Variants in CFAP299 observed in about 807,000 individuals in gnomAD.
CFAP299 encodes the protein cilia- and flagella-associated protein 299.
In CFAP299, 21 loss-of-function variants were observed where a neutral mutation model predicts 27.0. That is an observed-to-expected ratio of 0.78 (90% confidence interval 0.55 to 1.12). CFAP299 has a LOEUF of 1.12. CFAP299 is among the 50% of genes most tolerant of loss of function. CFAP299 has a pLI of 0.00. For synonymous variants in CFAP299, 104 were observed against 98.1 expected (o/e 1.06, Z -0.36); for missense variants, 310 against 276.6 (o/e 1.12, Z -0.86).
intron 3 of CFAP299, among the ~76,000 whole-genome samples, chr4:80,706,933 C>T (rs1336352070): frequency 4.0e-5 from 6 of 151,684 alleles, no homozygotes; most frequent in Admixed American, 3.3e-4. Flanking sequence ...TTATAAGTAC[C>T]GCCCCTCTCC....
At chr4:80,921,257 A>C (rs1020373053) in intron 4 of CFAP299, among the ~76,000 whole-genome samples, 19 of 152,274 alleles carry the variant, frequency 1.2e-4, no homozygotes, top group African/African-American at 4.1e-4. Context: ...CAAGGAACTC[A>C]TTGTTTTGGA....
intron 2 of CFAP299, among the ~76,000 whole-genome samples, chr4:80,567,375 T>C (rs1485085369): frequency 6.6e-6 from 1 of 152,082 alleles, no homozygotes; most frequent in Non-Finnish European, 1.5e-5. Flanking sequence ...CTGAAAGTTA[T>C]TAAAATATAA....
At chr4:80,628,009 A>G (rs1014664018) in intron 3 of CFAP299, among the ~76,000 whole-genome samples, 1 of 152,142 alleles carries the variant, frequency 6.6e-6, no homozygotes, top group Non-Finnish European at 1.5e-5. Flanking sequence ...GGAATAACAA[A>G]AAATTCCTGA....
chr4:80,854,390 T>C (rs1731705206), intron 3 of CFAP299, among the ~76,000 whole-genome samples: 1 of 152,090 alleles, frequency 6.6e-6, no homozygotes, highest in African/African-American at 2.4e-5. Context: ...AATTAGTCTC[T>C]TTATCAAATA....
chr4:80,610,665 A>C (rs1369115909), intron 3 of CFAP299, among the ~76,000 whole-genome samples: 1 of 152,094 alleles, frequency 6.6e-6, no homozygotes, highest in East Asian at 1.9e-4. Flanking sequence ...ATGGACCTAA[A>C]GCTAAAAAGT....
intron 3 of CFAP299, among the ~76,000 whole-genome samples, chr4:80,630,429 C>T (rs1403674605): frequency 6.6e-6 from 1 of 151,980 alleles, no homozygotes; most frequent in East Asian, 1.9e-4. Flanking sequence ...TTGTTCTCTA[C>T]TAAACAATTT....
At chr4:80,566,841 T>G (rs150957329) in intron 2 of CFAP299, among the ~76,000 whole-genome samples, 1 of 152,178 alleles carries the variant, frequency 6.6e-6, no homozygotes, top group Non-Finnish European at 1.5e-5. Flanking sequence ...TCGAACACAT[T>G]CAGACACAAA....
intron 2 of CFAP299, among the ~76,000 whole-genome samples, chr4:80,547,609 T>G (rs1734299569): frequency 6.6e-6 from 1 of 152,008 alleles, no homozygotes; most frequent in Non-Finnish European, 1.5e-5. Flanking sequence ...TGAGAGAAAG[T>G]ATTGGCAAAC....
At chr4:80,518,780 C>A (rs760246409) in intron 2 of CFAP299, among the ~76,000 whole-genome samples, 34 of 152,036 alleles carry the variant, frequency 2.2e-4, no homozygotes, top group Non-Finnish European at 4.7e-4. Context: ...GAGTATGGGG[C>A]CCTCAAGTTG....
chr4:80,351,904 ATGT>A (rs1439223021), intron 1 of CFAP299, among the ~76,000 whole-genome samples: 9 of 149,846 alleles, frequency 6.0e-5, no homozygotes, highest in Admixed American at 6.0e-4. Flanking sequence ...TTTATAAATA[ATGT>A]TAATATAATG....
rs111292917 is a variant in CFAP299, at chr4:80,562,844, G to A, written c.243-20249G>A. On this transcript the variant is annotated intron_variant, in intron 2 of 5. Transcript: ENST00000358105. The stretch of plus-strand genomic sequence containing the variant: ...GAACCCACAGACTGAAAATAAAGGC[G>A]TGGAAAATAAGATTCTATGTCAATG... 5.8e-3 allele frequency among the ~76,000 whole-genome samples: 873 copies of A among 151,746 alleles called. 8 individuals carry two copies. Among genetic ancestry groups the A allele is most frequent in the Non-Finnish European group, 6.3e-3 (431 of 67,896 alleles).
chr4:80,734,859 G>A (rs1457423295), intron 3 of CFAP299, among the ~76,000 whole-genome samples: 1 of 152,016 alleles, frequency 6.6e-6, no homozygotes, highest in Admixed American at 6.6e-5. Flanking sequence ...TTTTGTTACT[G>A]TAGCACTGTA....
chr4:80,508,724 G>A (rs1052660864), intron 2 of CFAP299, among the ~76,000 whole-genome samples: 4 of 152,020 alleles, frequency 2.6e-5, no homozygotes, highest in African/African-American at 7.2e-5. Flanking sequence ...ACTCCTGGCT[G>A]TTTTAAAATT....
chr4:80,369,806 C>T lies in CFAP299; in HGVS notation c.242+6922C>T, dbSNP rs138675158. On this transcript the variant is annotated intron_variant, in intron 2 of 5. Coordinates refer to ENST00000358105, the MANE Select transcript of CFAP299 (RefSeq NM_152770.3). Reference sequence around the variant, plus strand: ...CATCGGTTTTTAATAGTATTGCTGCCGAGCTGGAGATTCAGTGGTGCCTTC... The same window carrying T: ...CATCGGTTTTTAATAGTATTGCTGCTGAGCTGGAGATTCAGTGGTGCCTTC... Among the ~76,000 whole-genome samples the T allele has an allele frequency of 6.3e-3, 952 of 152,198 alleles. 2 individuals are homozygous for T. Among genetic ancestry groups the T allele is most frequent in the Middle Eastern group, 0.024 (7 of 294 alleles).
chr4:80,925,245 T>C (rs1054039442), intron 4 of CFAP299, among the ~76,000 whole-genome samples: 1 of 152,020 alleles, frequency 6.6e-6, no homozygotes, highest in African/African-American at 2.4e-5. Flanking sequence ...CTGTCTTTCC[T>C]GAACAAAATA....
rs528854292 is a variant in CFAP299, at chr4:80,500,318, C to T, written c.243-82775C>T. On this transcript the variant is annotated intron_variant, in intron 2 of 5. Transcript: ENST00000358105. Reference sequence around the variant, plus strand: ...GCATCTGCCATTCCATGGAAAGCAGCTTCATTCAGTGTTCAGTCTTTGGCT... The same window carrying T: ...GCATCTGCCATTCCATGGAAAGCAGTTTCATTCAGTGTTCAGTCTTTGGCT... Among the ~76,000 whole-genome samples, 5 of 152,216 alleles carry T rather than the reference C, an allele frequency of 3.3e-5. No individual in the cohort carries two copies. In the South Asian group the frequency reaches 8.3e-4, roughly 25 times the overall value.
chr4:80,638,902 C>T (rs761346106), intron 3 of CFAP299, among the ~76,000 whole-genome samples: 22 of 152,094 alleles, frequency 1.4e-4, no homozygotes, highest in African/African-American at 2.9e-4. Flanking sequence ...AGAGGCTGAA[C>T]GTTTGAGATG....
chr4:80,888,224 T>C (rs1734067490), intron 4 of CFAP299, among the ~76,000 whole-genome samples: 1 of 151,886 alleles, frequency 6.6e-6, no homozygotes, highest in Non-Finnish European at 1.5e-5. Flanking sequence ...GGGTCAACGA[T>C]CCGCTGCCTA....
intron 4 of CFAP299, among the ~76,000 whole-genome samples, chr4:80,927,077 T>C (rs1736345028): frequency 6.6e-6 from 1 of 152,058 alleles, no homozygotes; most frequent in African/African-American, 2.4e-5. Context: ...GACATACATA[T>C]TTTCCATATC....
Sources: allele counts gnomAD v4.1 joint callset (sites outside exome capture counted in the v4.1 genomes callset), GRCh38; gene constraint gnomAD v4.1.1; transcripts MANE v1.5; gene names NCBI Gene and HGNC (gene_info 2026-07-23, HGNC 2026-07-21).